The following ACTN3 variants were observed in gnomAD, a reference collection of about 807,000 sequenced individuals.
ACTN3 encodes actinin alpha 3, also known as alpha-actinin-3.
ACTN3 carries 91 observed loss-of-function variants against 119.6 expected under a neutral mutation model. That is an observed-to-expected ratio of 0.76 (90% CI 0.64 to 0.91). The LOEUF is 0.91. ACTN3 is among the 40% of genes least tolerant of loss of function. ACTN3 has a pLI of 0.00. For synonymous variants in ACTN3, 456 were observed against 478.8 expected (o/e 0.95, Z 0.62); for missense variants, 1,221 against 1,215.1 (o/e 1.00, Z -0.07).
intron 15 of ACTN3, 27 bp downstream of exon 15, chr11:66,560,782 C>T: frequency 1.3e-6 from 2 of 1,588,352 alleles, no homozygotes; most frequent in Non-Finnish European, 1.7e-6. Context: ...GCCTTCCTCC[C>T]ACCCCCTCCT....
At chr11:66,557,661 G>C (rs754667993) in intron 9 of ACTN3, 38 bp from the exon 10 acceptor site, 7 of 1,573,542 alleles carry the variant, frequency 4.4e-6, no homozygotes, top group Non-Finnish European at 4.3e-6. Flanking sequence ...GCAGGTCAGC[G>C]CAGAGCTGTC....
At position 66,562,144 on chromosome 11, in the gene ACTN3, A is replaced by G. The variant is rs1857791031; in HGVS notation, c.2298A>G (p.Arg766=). 2 of 1,613,874 alleles carry G rather than the reference A, an allele frequency of 1.2e-6. No individual in the cohort carries two copies. The highest frequency in any genetic ancestry group is 1.3e-5 in the African/African-American group (1 of 74,906). ...GCCAGGAGCAGCTCAACGAGTTCCG[A>G]GCATCCTTCAACCACTTTGACAGGG... ...GLSQEQLNEF[R]ASFNHFDRKQ... is the part of the protein sequence containing the mutation. The change falls in exon 18 of 21, where the codon CGA becomes CGG. Residue 766 remains arginine (R), a synonymous_variant. Transcript: ENST00000513398.
In ACTN3 at chr11:66,555,274, A is replaced by G; in HGVS notation, c.637-12A>G. The G allele has an allele frequency of 6.2e-7, 1 of 1,613,568 alleles. No homozygotes were observed. The highest frequency in any genetic ancestry group is 8.5e-7 in the Non-Finnish European group (1 of 1,179,764). On this transcript the variant is annotated splice_polypyrimidine_tract_variant and intron_variant, in intron 6 of 20. Transcript: ENST00000513398. Reference sequence around the variant, plus strand: ...AGCTGACCTTTCACCCTCCTCCCTTACACCCTTCTAGGATGACCCCATCGG... The same window carrying G: ...AGCTGACCTTTCACCCTCCTCCCTTGCACCCTTCTAGGATGACCCCATCGG...
intron 17 of ACTN3, 106 bp downstream of exon 17, chr11:66,561,743 C>G (rs765205536): frequency 4.4e-6 from 6 of 1,366,492 alleles, no homozygotes; most frequent in Non-Finnish European, 5.9e-6. Context: ...GTCCCCAGTT[C>G]AGCTTGGCCA....
chr11:66,557,359 T>C, intron 9 of ACTN3, 134 bp downstream of exon 9: 1 of 811,676 alleles, frequency 1.2e-6, no homozygotes, highest in Non-Finnish European at 2.0e-6. Context: ...CCTCCTCCTG[T>C]CCATCCCCAC....
chr11:66,552,582 C>T (rs1251338148), intron 3 of ACTN3, among the ~76,000 whole-genome samples: 1 of 152,074 alleles, frequency 6.6e-6, no homozygotes, highest in South Asian at 2.1e-4. Flanking sequence ...CTTGGCCAGG[C>T]ACAGTGGCTC....
In ACTN3 at chr11:66,559,405, G is replaced by A. The variant is rs907336112; in HGVS notation, c.1427+19G>A. On this transcript the variant is annotated intron_variant, in intron 12 of 20. Coordinates refer to ENST00000513398, the MANE Select transcript of ACTN3 (RefSeq NM_001104.4). Reference sequence around the variant, plus strand: ...AGCTCAAGTAGGCGGGGCCTCGCGGGGCCCGCCCCCAACACCCCCGGCCCC... The same window carrying A: ...AGCTCAAGTAGGCGGGGCCTCGCGGAGCCCGCCCCCAACACCCCCGGCCCC... 6.1e-6 allele frequency: 9 copies of A among 1,473,182 alleles called. No homozygotes were observed. The highest frequency in any genetic ancestry group is 8.0e-6 in the Non-Finnish European group (9 of 1,119,246). The allele number at this position is 1,473,182 out of a possible 1,614,324, so 91.3% of individuals were successfully genotyped here.
At chr11:66,550,757 A>G (rs1037650651) in intron 1 of ACTN3, among the ~76,000 whole-genome samples, 5 of 151,320 alleles carry the variant, frequency 3.3e-5, no homozygotes, top group African/African-American at 1.2e-4. Flanking sequence ...AATTTACAAC[A>G]ACCCTAGAAG....
chr11:66,556,388 A>G (rs1262579577), intron 8 of ACTN3, 158 bp downstream of exon 8: 1 of 200,642 alleles, frequency 5.0e-6, no homozygotes, highest in African/African-American at 2.4e-5. Flanking sequence ...CCTGGTTTGG[A>G]AACTCACTCC....
Position 66,555,137 on chromosome 11 carries a change from G to C in ACTN3, c.565G>C (p.Asp189His). Residue 189 changes from aspartate to histidine, a missense_variant, in exon 6 of 21, where the codon GAT becomes CAT. Coordinates refer to ENST00000513398, the MANE Select transcript of ACTN3 (RefSeq NM_001104.4). Reference protein sequence around the residue: ...NVQNFHTSWKDGLALCALIHR... With the variant: ...NVQNFHTSWKHGLALCALIHR... Reference sequence around the variant, plus strand: ...CCTCTTCTCTCTGTCCAGCTGGAAGGATGGCCTGGCCCTCTGTGCCCTCAT... The same window carrying C: ...CCTCTTCTCTCTGTCCAGCTGGAAGCATGGCCTGGCCCTCTGTGCCCTCAT... 6.2e-7 allele frequency: 1 copy of C among 1,613,952 alleles called. No individual in the cohort carries two copies. The highest frequency in any genetic ancestry group is 8.5e-7 in the Non-Finnish European group (1 of 1,179,952).
chr11:66,563,095 A>C lies in ACTN3; in HGVS notation c.2608A>C (p.Ile870Leu). 6 of 1,613,300 alleles carry C rather than the reference A, an allele frequency of 3.7e-6. No homozygotes were observed. The highest frequency in any genetic ancestry group is 5.1e-6 in the Non-Finnish European group (6 of 1,179,776). ...CCCTGCCAAGCAGGCCGAGTACTGCATCCGCCGTATGGTGCCCTACAAGGG... is the reference window on the plus strand; with the variant it reads ...CCCTGCCAAGCAGGCCGAGTACTGCCTCCGCCGTATGGTGCCCTACAAGGG... ...ELPAKQAEYCIRRMVPYKGSG... is the reference protein window; with the variant it reads ...ELPAKQAEYCLRRMVPYKGSG... The change falls in exon 21 of 21, where the codon ATC becomes CTC. Residue 870 changes from isoleucine to leucine, a missense_variant. Ile to Leu is a conservative substitution (Grantham distance 5, BLOSUM62 2). This residue lies in a region of ACTN3 where 934 missense variants were observed against 899.9 expected (regional missense o/e 1.04). Coordinates refer to ENST00000513398, the MANE Select transcript of ACTN3 (RefSeq NM_001104.4).
intron 1 of ACTN3, among the ~76,000 whole-genome samples, chr11:66,547,609 G>T (rs1277962101): frequency 6.6e-6 from 1 of 152,066 alleles, no homozygotes; most frequent in Non-Finnish European, 1.5e-5. Context: ...GCACAGACAG[G>T]CCCCACATCA....
At chr11:66,548,339 T>A (rs1001409414) in intron 1 of ACTN3, among the ~76,000 whole-genome samples, 1 of 152,098 alleles carries the variant, frequency 6.6e-6, no homozygotes, top group African/African-American at 2.4e-5. Flanking sequence ...CTGCCACCTG[T>A]TCTGCAACAT....
chr11:66,560,537 G>C, intron 14 of ACTN3, 36 bp from the exon 15 acceptor site: 11 of 1,583,840 alleles, frequency 6.9e-6, no homozygotes, highest in Non-Finnish European at 9.4e-6. Context: ...GGTAAGTGGG[G>C]GACACCAGCT....
intron 8 of ACTN3, 57 bp downstream of exon 8, chr11:66,556,287 C>T: frequency 6.4e-7 from 1 of 1,555,052 alleles, no homozygotes. Context: ...CCAACCTTGG[C>T]TGTAGTCCAA....
At position 66,562,947 on chromosome 11, in the gene ACTN3, G is replaced by A. The variant is rs2134945660; in HGVS notation, c.2540G>A (p.Gly847Glu). ...QVVASFKILA[G>E]DKNYITPEEL... ...GTAGCTTCCTTCAAGATCTTGGCAGGAGACAAGGTGAGTCCCAGGCGGTGG... is the reference window on the plus strand; with the variant it reads ...GTAGCTTCCTTCAAGATCTTGGCAGAAGACAAGGTGAGTCCCAGGCGGTGG... The change falls in exon 20 of 21, where the codon GGA (glycine) becomes GAA (glutamate). Residue 847 changes from glycine to glutamate, a missense_variant. Physicochemically the swap from Gly to Glu is moderately conservative, Grantham distance 98. This residue lies in a region of ACTN3 where 934 missense variants were observed against 899.9 expected (regional missense o/e 1.04). Transcript: ENST00000513398. 6.2e-7 allele frequency: 1 copy of A among 1,613,162 alleles called. No individual in the cohort carries two copies. Among genetic ancestry groups the A allele is most frequent in the South Asian group, 1.1e-5 (1 of 91,000 alleles).
At chr11:66,551,191 A>C (rs1857460752) in intron 1 of ACTN3, 48 bp from the exon 2 acceptor site, 7 of 1,373,510 alleles carry the variant, frequency 5.1e-6, no homozygotes, top group Non-Finnish European at 7.1e-6. Flanking sequence ...TGTGCCCTAC[A>C]TCCCCCAGAG....
rs781069664 is a variant in ACTN3, at chr11:66,551,619, G to A, written c.354G>A (p.Gly118=). ...NKALDFIASK[G]VKLVSIGAEE... Reference sequence around the variant, plus strand: ...CCCTGGACTTCATTGCCAGCAAGGGGGTTAAACTGGTGTCCATTGGTGCTG... The same window carrying A: ...CCCTGGACTTCATTGCCAGCAAGGGAGTTAAACTGGTGTCCATTGGTGCTG... Residue 118 remains glycine (G), a synonymous_variant, in exon 3 of 21, where the codon GGG becomes GGA. Transcript: ENST00000513398. The A allele has an allele frequency of 2.5e-6, 4 of 1,613,870 alleles. No homozygotes were observed. In the Admixed American group the frequency reaches 6.7e-5, roughly 27 times the overall value.
rs768655417 is a variant in ACTN3 at position 66,562,101 on chromosome 11, G to A, written c.2255G>A (p.Arg752Gln). ...GAAGTGGAGAACCAGGTACTGACCC[G>A]AGACGCCAAGGGACTGAGCCAGGAG... The part of the protein sequence containing the change: ...INEVENQVLT[R>Q]DAKGLSQEQL... The change falls in exon 18 of 21, where the codon CGA becomes CAA. Residue 752 changes from arginine (R) to glutamine (Q), a missense_variant. This residue lies in a region of ACTN3 where 934 missense variants were observed against 899.9 expected (regional missense o/e 1.04). Transcript: ENST00000513398. 9.9e-5 allele frequency: 159 copies of A among 1,613,906 alleles called. 3 individuals carry two copies. In the South Asian group the frequency reaches 1.3e-3, roughly 13 times the overall value.
Sources: gnomAD v4.1 joint callset for allele counts (sites outside exome capture counted in the v4.1 genomes callset) on GRCh38, gnomAD v4.1.1 for gene constraint, gnomAD v4.1.1 regional missense constraint, MANE v1.5 for transcripts, NCBI Gene and HGNC (gene_info 2026-07-23, HGNC 2026-07-21) for gene names.